Variants in CEP128 observed in about 807,000 individuals in gnomAD.
CEP128 encodes centrosomal protein 128, also known as centrosomal protein 128kDa.
A neutral mutation model predicts 156.7 loss-of-function variants in CEP128; 132 were observed. That is an observed-to-expected ratio of 0.84 (90% CI 0.73 to 0.97). The LOEUF is 0.97. Among genes scored for constraint, CEP128 ranks in the 50% least tolerant of loss-of-function variants. CEP128 has a pLI of 0.00. For synonymous variants in CEP128, 469 were observed against 448.9 expected (o/e 1.04, Z -0.57); for missense variants, 1,252 against 1,281.9 (o/e 0.98, Z 0.36).
chr14:80,770,412 C>T (rs972096507), intron 16 of CEP128, among the ~76,000 whole-genome samples: 3 of 152,172 alleles, frequency 2.0e-5, no homozygotes, highest in Non-Finnish European at 4.4e-5. Context: ...TCTCCCTTCC[C>T]ATTGTATATT....
chr14:80,649,407 T>C (rs1871457), intron 19 of CEP128, among the ~76,000 whole-genome samples: 119,184 of 151,918 alleles, frequency 0.78, 47,583 homozygotes, highest in Admixed American at 0.85. Flanking sequence ...AAAATTGATA[T>C]TAATGCAATG....
chr14:80,709,589 G>A (rs1897331615), intron 19 of CEP128, among the ~76,000 whole-genome samples: 1 of 152,108 alleles, frequency 6.6e-6, no homozygotes, highest in South Asian at 2.1e-4. Context: ...AAATCTGACT[G>A]TATGTGCATT....
chr14:80,673,689 A>G (rs957838476), intron 19 of CEP128, among the ~76,000 whole-genome samples: 43 of 145,408 alleles, frequency 3.0e-4, no homozygotes, highest in South Asian at 4.4e-4. Context: ...AAGCAAAGGG[A>G]TCTCACATTC....
rs776020542 is a variant in CEP128, at chr14:80,916,412, T to A, written c.136A>T (p.Ser46Cys). Residue 46 changes from serine (S) to cysteine (C), a missense_variant, in exon 3 of 25, where the codon AGT (serine) becomes TGT (cysteine). Transcript: ENST00000555265. ...ATTGTTAAACTAACCTGTAAAGTAC[T>A]TGTTATAGTGTTGACCTTCTCGGTA... Reference protein sequence around the residue: ...EVTEKVNTITSTLQDTSRNLR... With the variant: ...EVTEKVNTITCTLQDTSRNLR... 1.2e-6 allele frequency: 2 copies of A among 1,613,268 alleles called. No homozygotes were observed. Among genetic ancestry groups the A allele is most frequent in the Admixed American group, 3.3e-5 (2 of 59,840 alleles).
At chr14:80,520,985 G>C (rs1205812740) in intron 23 of CEP128, among the ~76,000 whole-genome samples, 1 of 143,070 alleles carries the variant, frequency 7.0e-6, no homozygotes, top group Non-Finnish European at 1.5e-5. Flanking sequence ...ACCACGCCCA[G>C]CTAATTTTTT....
intron 19 of CEP128, among the ~76,000 whole-genome samples, chr14:80,670,412 C>T (rs544759383): frequency 6.6e-6 from 1 of 152,172 alleles, no homozygotes; most frequent in African/African-American, 2.4e-5. Context: ...ACCTACCTAC[C>T]TATTTATATA....
At chr14:80,553,091 T>TTTTA (rs397740141) in intron 21 of CEP128, among the ~76,000 whole-genome samples, 1 of 151,808 alleles carries the variant, frequency 6.6e-6, no homozygotes, top group African/African-American at 2.4e-5. Context: ...TTCTTTTTTT[T>TTTTA]AATTATACTT....
intron 19 of CEP128, among the ~76,000 whole-genome samples, chr14:80,643,889 C>T (rs1481071020): frequency 6.6e-6 from 1 of 152,098 alleles, no homozygotes; most frequent in Non-Finnish European, 1.5e-5. Context: ...TCATGTCTAT[C>T]TGGAATCTCA....
At chr14:80,573,074 T>A (rs1473725454) in intron 20 of CEP128, among the ~76,000 whole-genome samples, 1 of 148,558 alleles carries the variant, frequency 6.7e-6, no homozygotes, top group African/African-American at 2.5e-5. Context: ...AGGTGTGGGC[T>A]ACCACGCCTG....
intron 8 of CEP128, among the ~76,000 whole-genome samples, chr14:80,888,719 C>A (rs1888931199): frequency 6.6e-6 from 1 of 152,126 alleles, no homozygotes; most frequent in South Asian, 2.1e-4. Flanking sequence ...AAAACCAGCA[C>A]AAGACAAGGA....
chr14:80,580,333 T>G (rs760451973), intron 20 of CEP128, 41 bp downstream of exon 20: 12 of 1,354,058 alleles, frequency 8.9e-6, no homozygotes, highest in Non-Finnish European at 1.3e-5. Context: ...AAAAAACAAA[T>G]GTTTTCATAC....
At position 80,580,363 on chromosome 14, in the gene CEP128, T is replaced by C. The variant is rs1408471618; in HGVS notation, c.2856+11A>G. The C allele has an allele frequency of 1.9e-6, 3 of 1,575,554 alleles. No individual in the cohort carries two copies. The highest frequency in any genetic ancestry group is 2.3e-5 in the South Asian group (2 of 88,110). Reference sequence around the variant, plus strand: ...TCATACCAAGCATGCTTGCCCTATTTAAGAATTTACCTGCAGAGATCCCAT... The same window carrying C: ...TCATACCAAGCATGCTTGCCCTATTCAAGAATTTACCTGCAGAGATCCCAT... On this transcript the variant is annotated intron_variant, in intron 20 of 24. Coordinates refer to ENST00000555265, the MANE Select transcript of CEP128 (RefSeq NM_152446.5).
intron 18 of CEP128, among the ~76,000 whole-genome samples, chr14:80,748,836 T>C (rs926052581): frequency 2.0e-5 from 3 of 152,032 alleles, no homozygotes; most frequent in Non-Finnish European, 4.4e-5. Flanking sequence ...AAGCACCAAG[T>C]AGACTCCTAA....
chr14:80,859,226 G>A (rs1473573022), intron 9 of CEP128, among the ~76,000 whole-genome samples: 2 of 150,648 alleles, frequency 1.3e-5, no homozygotes, highest in Non-Finnish European at 3.0e-5. Context: ...CATAAAAAAG[G>A]ATGAGTTCAT....
At chr14:80,797,814 T>C (rs1037439133) in intron 13 of CEP128, among the ~76,000 whole-genome samples, 3 of 152,156 alleles carry the variant, frequency 2.0e-5, no homozygotes, top group African/African-American at 7.2e-5. Context: ...ATAGTAAATA[T>C]TAAGGCACAA....
At chr14:80,819,467 C>A (rs1192249652) in intron 13 of CEP128, among the ~76,000 whole-genome samples, 1 of 151,872 alleles carries the variant, frequency 6.6e-6, no homozygotes, top group Admixed American at 6.6e-5. Flanking sequence ...AGGATGGTTT[C>A]GATCTCCTGA....
At chr14:80,725,253 G>A (rs1311783040) in intron 19 of CEP128, among the ~76,000 whole-genome samples, 1 of 150,828 alleles carries the variant, frequency 6.6e-6, no homozygotes, top group African/African-American at 2.4e-5. Context: ...CACAATCTCG[G>A]CTCACTGCAA....
At chr14:80,656,323 A>ATTT (rs1274055502) in intron 19 of CEP128, among the ~76,000 whole-genome samples, 3,441 of 33,480 alleles carry the variant, frequency 0.1, 392 homozygotes, top group Non-Finnish European at 0.11. Context: ...ATATATATAT[A>ATTT]TATATATATA....
intron 19 of CEP128, among the ~76,000 whole-genome samples, chr14:80,617,680 C>T (rs1432551357): frequency 6.6e-6 from 1 of 152,162 alleles, no homozygotes; most frequent in Non-Finnish European, 1.5e-5. Context: ...CATTGGCTCA[C>T]GCCTGTAACC....
Sources: allele counts gnomAD v4.1 joint callset (sites outside exome capture counted in the v4.1 genomes callset), GRCh38; gene constraint gnomAD v4.1.1; transcripts MANE v1.5; gene names NCBI Gene and HGNC (gene_info 2026-07-23, HGNC 2026-07-21).